The following ANXA6 variants were observed in gnomAD, a reference collection of about 807,000 sequenced individuals.
The protein encoded by ANXA6 is 67 kDa calelectrin.
A neutral mutation model predicts 95.4 loss-of-function variants in ANXA6; 71 were observed. The observed-to-expected ratio is 0.74, with a 90% confidence interval of 0.61 to 0.91. The LOEUF (loss-of-function observed/expected upper bound fraction) is 0.91, where lower values mean the gene tolerates loss of function less well. Among genes scored for constraint, ANXA6 ranks in the 40% least tolerant of loss-of-function variants. ANXA6 has a pLI of 0.00. For missense variants in ANXA6, 830 were observed against 876.4 expected (o/e 0.95, Z 0.67); for synonymous variants, 289 against 315.9 (o/e 0.91, Z 0.90).
intron 2 of ANXA6, among the ~76,000 whole-genome samples, chr5:151,144,390 T>G (rs1426641893): frequency 1.3e-5 from 2 of 152,154 alleles, no homozygotes; most frequent in African/African-American, 4.8e-5. Context: ...ATCTAGAAAC[T>G]ATTTTAACTT....
chr5:151,121,805 G>T (rs11167538), intron 17 of ANXA6, among the ~76,000 whole-genome samples: 43,341 of 152,032 alleles, frequency 0.29, 6,788 homozygotes, highest in East Asian at 0.48. Context: ...GAGCTCCTAG[G>T]AAGAAGGAAC....
chr5:151,111,126 A>G (rs1390474036), intron 20 of ANXA6, among the ~76,000 whole-genome samples: 1 of 152,230 alleles, frequency 6.6e-6, no homozygotes, highest in Non-Finnish European at 1.5e-5. Context: ...TGTTACAGAC[A>G]GGAAAGACTG....
chr5:151,105,327 C>T (rs962435952), intron 23 of ANXA6, 24 bp from the exon 24 acceptor site: 19 of 1,612,514 alleles, frequency 1.2e-5, no homozygotes, highest in Admixed American at 3.3e-5. Context: ...CAGAGAGATG[C>T]GGGGAACGTG....
At chr5:151,115,722 C>T (rs1186585693) in intron 20 of ANXA6, among the ~76,000 whole-genome samples, 1 of 152,236 alleles carries the variant, frequency 6.6e-6, no homozygotes, top group Non-Finnish European at 1.5e-5. Flanking sequence ...GCTGGGTTCT[C>T]AGCCTAACCC....
intron 12 of ANXA6, among the ~76,000 whole-genome samples, chr5:151,128,740 A>G (rs1052275451): frequency 3.9e-5 from 6 of 152,224 alleles, no homozygotes; most frequent in Non-Finnish European, 5.9e-5. Flanking sequence ...TTCATAATGG[A>G]CTTCAAAATG....
At chr5:151,107,338 AT>A (rs2113894163) in intron 23 of ANXA6, among the ~76,000 whole-genome samples, 1 of 152,360 alleles carries the variant, frequency 6.6e-6, no homozygotes, top group African/African-American at 2.4e-5. Context: ...AAAGGAGGAA[AT>A]TGAGACACAG....
intron 2 of ANXA6, among the ~76,000 whole-genome samples, chr5:151,143,305 A>G (rs952828204): frequency 5.3e-5 from 8 of 152,120 alleles, no homozygotes; most frequent in Admixed American, 2.6e-4. Context: ...CTGGTCAACC[A>G]TGCCAGCCTG....
chr5:151,139,436 C>G lies in ANXA6; in HGVS notation c.121G>C (p.Glu41Gln), dbSNP rs1188117291. ...TAMKGFGSDK[E>Q]AILDIITSRS... ...GAGGTGATTATGTCCAGTATGGCCT[C>G]CTTGTCACTGCCTGGAATAGGGGAG... The change falls in exon 4 of 26, where the codon GAG becomes CAG. Residue 41 changes from glutamate to glutamine, a missense_variant. Glu to Gln is a conservative substitution (Grantham distance 29). Coordinates refer to ENST00000354546, the MANE Select transcript of ANXA6 (RefSeq NM_001155.5). 2 of 1,613,132 alleles carry G rather than the reference C, an allele frequency of 1.2e-6. No homozygotes were observed. The highest frequency in any genetic ancestry group is 2.7e-5 in the African/African-American group (2 of 74,886).
intron 18 of ANXA6, among the ~76,000 whole-genome samples, 190 bp from the exon 19 acceptor site, chr5:151,118,027 C>T (rs1227555016): frequency 1.3e-5 from 2 of 152,132 alleles, no homozygotes; most frequent in Admixed American, 1.3e-4. Flanking sequence ...AATGGGCATT[C>T]CCATCAACCC....
intron 3 of ANXA6, 78 bp downstream of exon 3, chr5:151,140,072 TACC>T: frequency 6.3e-6 from 8 of 1,278,706 alleles, no homozygotes; most frequent in Admixed American, 2.0e-5. Flanking sequence ...TCACAGACCC[TACC>T]ACCACCACCA....
At chr5:151,104,561 G>A (rs58957263) in intron 24 of ANXA6, among the ~76,000 whole-genome samples, 2,898 of 152,358 alleles carry the variant, frequency 0.019, 82 homozygotes, top group African/African-American at 0.06. Flanking sequence ...TCAGAGAGAT[G>A]AAGCCCTTGG....
intron 10 of ANXA6, among the ~76,000 whole-genome samples, chr5:151,131,539 C>T (rs1765513370): frequency 6.6e-6 from 1 of 152,180 alleles, no homozygotes; most frequent in African/African-American, 2.4e-5. Context: ...CCGCCTTTAT[C>T]TTTCTAGTCC....
At chr5:151,139,530 G>A in intron 3 of ANXA6, 83 bp from the exon 4 acceptor site, 2 of 904,220 alleles carry the variant, frequency 2.2e-6, no homozygotes, top group East Asian at 5.0e-5. Flanking sequence ...CTGGACACAG[G>A]CCTAGTAGCT....
intron 20 of ANXA6, 103 bp from the exon 21 acceptor site, chr5:151,110,747 G>T: frequency 7.7e-7 from 1 of 1,293,122 alleles, no homozygotes; most frequent in Non-Finnish European, 1.1e-6. Context: ...TGAGGGGCCT[G>T]GCTGGGAGTG....
At chr5:151,121,862 TGAG>T in intron 17 of ANXA6, among the ~76,000 whole-genome samples, 1 of 152,104 alleles carries the variant, frequency 6.6e-6, no homozygotes, top group Non-Finnish European at 1.5e-5. Context: ...TATGCCACCA[TGAG>T]GAGAAAGGCT....
Position 151,109,898 on chromosome 5 carries a change from C to T in ANXA6, c.1591-52G>A. 2.9e-6 allele frequency: 4 copies of T among 1,358,102 alleles called. No individual in the cohort carries two copies. In the South Asian group the frequency reaches 3.7e-5, roughly 13 times the overall value. The allele number at this position is 1,358,102 out of a possible 1,614,324, so 84.1% of individuals were successfully genotyped here. On this transcript the variant is annotated intron_variant, in intron 21 of 25. Coordinates refer to ENST00000354546, the MANE Select transcript of ANXA6 (RefSeq NM_001155.5). ...TTTGGGAGGGGAGACATGAGAAAGC[C>T]TTGGTTATTATTCACTTTCATGTCT...
At chr5:151,156,952 G>A (rs1766252320) in intron 1 of ANXA6, among the ~76,000 whole-genome samples, 1 of 152,160 alleles carries the variant, frequency 6.6e-6, no homozygotes, top group Admixed American at 6.5e-5. Context: ...CTGGGATTCC[G>A]ATTCAGGGTA....
In ANXA6 at chr5:151,129,500, G is replaced by C. The variant is rs1385989671; in HGVS notation, c.825C>G (p.Ile275Met). ...ACTCACTACGGGAGACCATGATGCG[G>C]ATCAGGGTGTTGTCCCGAGTCCCCA... ...KGLGTRDNTL[I>M]RIMVSRSELD... Residue 275 changes from isoleucine to methionine, a missense_variant, in exon 12 of 26, where the codon ATC (isoleucine) becomes ATG (methionine). Physicochemically the swap from Ile to Met is conservative, Grantham distance 10. Coordinates refer to ENST00000354546, the MANE Select transcript of ANXA6 (RefSeq NM_001155.5). 7 of 1,609,832 alleles carry C rather than the reference G, an allele frequency of 4.3e-6. No homozygotes were observed. The highest frequency in any genetic ancestry group is 4.2e-6 in the Non-Finnish European group (5 of 1,178,336).
chr5:151,108,609 C>T, intron 22 of ANXA6, 59 bp from the exon 23 acceptor site: 1 of 1,405,746 alleles, frequency 7.1e-7, no homozygotes, highest in Non-Finnish European at 1.0e-6. Flanking sequence ...GGCGGAGGAC[C>T]CCTCCTCAGC....
Sources: gnomAD v4.1 joint callset for allele counts (sites outside exome capture counted in the v4.1 genomes callset) on GRCh38, gnomAD v4.1.1 for gene constraint, MANE v1.5 for transcripts, NCBI Gene and HGNC (gene_info 2026-07-23, HGNC 2026-07-21) for gene names.